FANCB: variants seen among roughly 807,000 people sequenced by gnomAD.
FANCB encodes Fanconi anemia group B protein.
In FANCB, 5 loss-of-function variants were observed where a neutral mutation model predicts 38.9. The ratio of observed to expected loss-of-function variants is 0.13; its 90% CI spans 0.07 to 0.27. The LOEUF (loss-of-function observed/expected upper bound fraction) is 0.27. Among genes scored for constraint, FANCB ranks in the 10% least tolerant of loss-of-function variants. FANCB has a pLI of 1.00. For missense variants in FANCB, 573 were observed against 602.7 expected, an observed-to-expected ratio of 0.95 and a Z score of 0.52; for synonymous variants, 236 against 215.4, an observed-to-expected ratio of 1.10 and a Z score of -0.84.
the FANCB span, among the ~76,000 whole-genome samples, chrX:14,692,723 A>C: frequency 5.4e-5 from 6 of 111,699 alleles, no homozygotes; most frequent in Non-Finnish European, 3.8e-5. Flanking sequence ...ACTCTCCTAG[A>C]CCAAAGATGG....
At chrX:14,834,887 A>C, downstream of FANCB, 1 of 658,418 alleles carries the variant, frequency 1.5e-6, no homozygotes, top group Non-Finnish European at 2.5e-6. Flanking sequence ...TACCACTTCC[A>C]GGGACCAACT....
rs768472627 is a variant in FANCB, at chrX:14,864,653, T to G, written c.858A>C (p.Ala286=). 1 of 1,209,318 alleles carries G rather than the reference T, an allele frequency of 8.3e-7. No individual in the cohort carries two copies. The highest frequency in any genetic ancestry group is 1.1e-6 in the Non-Finnish European group (1 of 893,092). ...CTCCACCTGAATCCATAAGTTGAACTGCACAAGGATCTCCAAATGGAAGCT... is the reference window on the plus strand; with the variant it reads ...CTCCACCTGAATCCATAAGTTGAACGGCACAAGGATCTCCAAATGGAAGCT... ...VCQLPFGDPC[A]VQLMDSGGGN... is the part of the protein sequence containing the mutation. The change falls in exon 3 of 10, where the codon GCA becomes GCC. Residue 286 remains alanine (A), a synonymous_variant. Transcript: ENST00000650831.
chrX:14,722,983 A>G, the FANCB span, among the ~76,000 whole-genome samples: 2 of 112,746 alleles, frequency 1.8e-5, no homozygotes, highest in Non-Finnish European at 3.7e-5. Flanking sequence ...TTTTAACTGT[A>G]TTGGCTAATG....
At chrX:14,828,823 C>T in the FANCB span, among the ~76,000 whole-genome samples, 2 of 111,552 alleles carry the variant, frequency 1.8e-5, no homozygotes, top group East Asian at 5.6e-4. Context: ...GAGATCCTCC[C>T]ACCTCAGCCT....
chrX:14,837,188 C>A (rs900559109), intron 10 of FANCB, among the ~76,000 whole-genome samples: 2 of 112,264 alleles, frequency 1.8e-5, no homozygotes, highest in Non-Finnish European at 3.8e-5. Flanking sequence ...ACCTCCTTTT[C>A]TTCTCAAGTG....
At chrX:14,782,468 C>G in the FANCB span, among the ~76,000 whole-genome samples, 3 of 112,355 alleles carry the variant, frequency 2.7e-5, no homozygotes, top group African/African-American at 9.7e-5. Context: ...CATTTTAACA[C>G]GAGACTCTGA....
At chrX:14,702,948 C>T in the FANCB span, among the ~76,000 whole-genome samples, 1 of 111,140 alleles carries the variant, frequency 9.0e-6, no homozygotes, top group Non-Finnish European at 1.9e-5. Context: ...AGGGGGCTCA[C>T]TTGTCTAGGT....
chrX:14,698,681 CAAAAAAAAAAAAAAAA>C, the FANCB span, among the ~76,000 whole-genome samples: 1 of 21,125 alleles, frequency 4.7e-5, no homozygotes, highest in Non-Finnish European at 7.8e-5. Context: ...CTATCTATCT[CAAAAAAAAAAAAAAAA>C]AAAAAAAAAA....
the FANCB span, among the ~76,000 whole-genome samples, chrX:14,696,570 G>C: frequency 9.0e-6 from 1 of 111,538 alleles, no homozygotes; most frequent in Non-Finnish European, 1.9e-5. Flanking sequence ...GGTTGACAGG[G>C]AAATGGATGC....
chrX:14,850,479 G>T (rs1378666857), intron 7 of FANCB, 26 bp downstream of exon 7: 10 of 1,136,048 alleles, frequency 8.8e-6, no homozygotes, highest in Non-Finnish European at 1.2e-5. Flanking sequence ...CATCAAGACA[G>T]TGTTATCATG....
the FANCB span, among the ~76,000 whole-genome samples, chrX:14,804,409 T>G: frequency 3.6e-5 from 4 of 111,573 alleles, no homozygotes; most frequent in East Asian, 8.5e-4. Flanking sequence ...CCGCATGTTC[T>G]CACTCATAGG....
At chrX:14,799,229 A>G in the FANCB span, among the ~76,000 whole-genome samples, 1 of 110,976 alleles carries the variant, frequency 9.0e-6, no homozygotes, top group Non-Finnish European at 1.9e-5. Context: ...GAGTACTCAC[A>G]CTCCCCTTTC....
the FANCB span, among the ~76,000 whole-genome samples, chrX:14,754,754 C>T: frequency 9.1e-6 from 1 of 109,372 alleles, no homozygotes; most frequent in African/African-American, 3.3e-5. Context: ...ATATAGTCTA[C>T]CAAACACCTA....
chrX:14,779,733 T>C, the FANCB span, among the ~76,000 whole-genome samples: 1 of 107,818 alleles, frequency 9.3e-6, no homozygotes, highest in Non-Finnish European at 1.9e-5. Context: ...AATCAGAAGA[T>C]AGAGAAGGAA....
chrX:14,831,115 CTCA>C (rs2092326553), downstream of FANCB, among the ~76,000 whole-genome samples: 1 of 112,030 alleles, frequency 8.9e-6, no homozygotes, highest in South Asian at 3.7e-4. Context: ...TTAATGGACC[CTCA>C]TCTCTGACAC....
At chrX:14,787,911 A>G in the FANCB span, among the ~76,000 whole-genome samples, 1 of 76,274 alleles carries the variant, frequency 1.3e-5, no homozygotes, top group South Asian at 6.8e-4. Flanking sequence ...ATATATATAT[A>G]TATATATATA....
chrX:14,758,777 G>T, the FANCB span, among the ~76,000 whole-genome samples: 1 of 111,744 alleles, frequency 8.9e-6, no homozygotes, highest in East Asian at 2.8e-4. Flanking sequence ...AAATGAGAAG[G>T]AAGCAGAGAG....
chrX:14,811,716 G>A, the FANCB span, among the ~76,000 whole-genome samples: 1 of 111,066 alleles, frequency 9.0e-6, no homozygotes, highest in African/African-American at 3.3e-5. Context: ...ATAATAATGG[G>A]ACACTTTAAG....
At chrX:14,782,254 A>T in the FANCB span, among the ~76,000 whole-genome samples, 7 of 112,097 alleles carry the variant, frequency 6.2e-5, no homozygotes, top group East Asian at 2.0e-3. Context: ...GGCAGAGCCC[A>T]CCAGGAAAGA....
Sources: gnomAD v4.1 joint callset for allele counts (sites outside exome capture counted in the v4.1 genomes callset) on GRCh38, gnomAD v4.1.1 for gene constraint, MANE v1.5 for transcripts, NCBI Gene and HGNC (gene_info 2026-07-23, HGNC 2026-07-21) for gene names.